ANKS1B: variants seen among roughly 807,000 people sequenced by gnomAD.
ANKS1B encodes ankyrin repeat and sterile alpha motif domain-containing protein 1B.
In ANKS1B, 36 loss-of-function variants were observed where a neutral mutation model predicts 148.3. The observed-to-expected ratio is 0.24, with a 90% confidence interval of 0.19 to 0.32. The LOEUF (loss-of-function observed/expected upper bound fraction) is 0.32. ANKS1B is among the 10% of genes least tolerant of loss of function. The pLI is 1.00. For missense variants in ANKS1B, 1,157 were observed against 1,542.6 expected, an observed-to-expected ratio of 0.75 and a Z score of 4.19; for synonymous variants, 542 against 560.8, an observed-to-expected ratio of 0.97 and a Z score of 0.47.
At chr12:99,368,811 T>C (rs2092928648) in intron 12 of ANKS1B, among the ~76,000 whole-genome samples, 4 of 152,094 alleles carry the variant, frequency 2.6e-5, no homozygotes, top group Admixed American at 2.6e-4. Flanking sequence ...AATTTGACAA[T>C]TAAAAAAATA....
intron 14 of ANKS1B, among the ~76,000 whole-genome samples, chr12:99,187,363 A>G (rs1378573803): frequency 6.6e-6 from 1 of 152,124 alleles, no homozygotes; most frequent in African/African-American, 2.4e-5. Context: ...CCTTCATGAG[A>G]AGAACAACCC....
chr12:99,082,095 G>T (rs2049987554), intron 16 of ANKS1B, among the ~76,000 whole-genome samples: 1 of 152,022 alleles, frequency 6.6e-6, no homozygotes, highest in African/African-American at 2.4e-5. Flanking sequence ...GTATTACTTG[G>T]GTACCTACTA....
At chr12:99,589,760 A>G (rs972932707) in intron 9 of ANKS1B, among the ~76,000 whole-genome samples, 8 of 152,218 alleles carry the variant, frequency 5.3e-5, no homozygotes, top group Non-Finnish European at 1.2e-4. Context: ...GTATGGTACA[A>G]TAGGGCGACT....
intron 17 of ANKS1B, among the ~76,000 whole-genome samples, chr12:98,875,855 C>T (rs1349622896): frequency 1.3e-5 from 2 of 152,260 alleles, no homozygotes; most frequent in Non-Finnish European, 1.5e-5. Flanking sequence ...TCTAAAAGGA[C>T]TACAGTGATG....
At chr12:98,828,711 A>G (rs556438814) in intron 19 of ANKS1B, among the ~76,000 whole-genome samples, 1 of 152,224 alleles carries the variant, frequency 6.6e-6, no homozygotes, top group Non-Finnish European at 1.5e-5. Context: ...TCAAGGTGAC[A>G]ATATGAGAAA....
chr12:99,598,441 C>T (rs1033824206), intron 9 of ANKS1B, among the ~76,000 whole-genome samples: 32 of 151,964 alleles, frequency 2.1e-4, no homozygotes, highest in South Asian at 1.0e-3. Context: ...AGATAGATAC[C>T]GTTACTATCC....
At chr12:99,114,444 T>C (rs1250244503) in intron 15 of ANKS1B, among the ~76,000 whole-genome samples, 1 of 152,152 alleles carries the variant, frequency 6.6e-6, no homozygotes. Flanking sequence ...AAGTCTAATA[T>C]ACAGCATCTA....
intron 9 of ANKS1B, among the ~76,000 whole-genome samples, chr12:99,511,601 C>T (rs1032599662): frequency 6.6e-6 from 1 of 151,930 alleles, no homozygotes; most frequent in Non-Finnish European, 1.5e-5. Flanking sequence ...GCCCGAATAG[C>T]CAAGACAATC....
intron 9 of ANKS1B, among the ~76,000 whole-genome samples, chr12:99,637,046 C>T (rs546621657): frequency 8.5e-5 from 13 of 152,312 alleles, no homozygotes; most frequent in Middle Eastern, 3.4e-3. Context: ...TGGCTCACAC[C>T]TGTAATCCTT....
chr12:99,354,222 T>C (rs1040487210), intron 12 of ANKS1B, among the ~76,000 whole-genome samples: 2 of 152,092 alleles, frequency 1.3e-5, no homozygotes, highest in East Asian at 1.9e-4. Flanking sequence ...CCAATGACCC[T>C]TTTTCTGTTC....
At chr12:99,510,709 C>T (rs1477727193) in intron 9 of ANKS1B, among the ~76,000 whole-genome samples, 1 of 152,082 alleles carries the variant, frequency 6.6e-6, no homozygotes, top group South Asian at 2.1e-4. Context: ...AAAGCAGTGG[C>T]AGGGTTTGAG....
At chr12:98,821,483 A>ATCTG (rs981654514) in intron 19 of ANKS1B, among the ~76,000 whole-genome samples, 3 of 151,982 alleles carry the variant, frequency 2.0e-5, no homozygotes, top group South Asian at 2.1e-4. Flanking sequence ...TTGCTAATCA[A>ATCTG]TCTGTCTGTC....
At chr12:98,802,162 T>C (rs1196696747) in intron 20 of ANKS1B, among the ~76,000 whole-genome samples, 1 of 152,198 alleles carries the variant, frequency 6.6e-6, no homozygotes, top group African/African-American at 2.4e-5. Flanking sequence ...TGGCTATATA[T>C]AGAACTATGA....
intron 8 of ANKS1B, among the ~76,000 whole-genome samples, chr12:99,770,132 G>C (rs1351186820): frequency 6.6e-6 from 1 of 152,206 alleles, no homozygotes; most frequent in African/African-American, 2.4e-5. Context: ...CTGCCACTTG[G>C]CAGCTAAGTC....
intron 12 of ANKS1B, among the ~76,000 whole-genome samples, chr12:99,294,149 T>C (rs1212814775): frequency 6.6e-6 from 1 of 152,188 alleles, no homozygotes; most frequent in African/African-American, 2.4e-5. Context: ...AGAACCACCA[T>C]ATGTTCCAGC....
At chr12:98,904,404 C>T (rs2152798758) in intron 17 of ANKS1B, among the ~76,000 whole-genome samples, 1 of 152,288 alleles carries the variant, frequency 6.6e-6, no homozygotes, top group South Asian at 2.1e-4. Context: ...TCACTACTTC[C>T]AAGGACACAT....
At chr12:99,011,255 T>A (rs2099939233) in intron 17 of ANKS1B, among the ~76,000 whole-genome samples, 1 of 152,166 alleles carries the variant, frequency 6.6e-6, no homozygotes, top group Non-Finnish European at 1.5e-5. Flanking sequence ...TTGTGGTAAT[T>A]TGTTATACAG....
intron 12 of ANKS1B, among the ~76,000 whole-genome samples, chr12:99,300,908 T>C (rs1477370698): frequency 6.6e-6 from 1 of 152,132 alleles, no homozygotes; most frequent in Non-Finnish European, 1.5e-5. Flanking sequence ...TATAGAGATA[T>C]AAAAGAGGAT....
At chr12:99,760,274 T>C (rs2061960066) in intron 8 of ANKS1B, among the ~76,000 whole-genome samples, 2 of 151,860 alleles carry the variant, frequency 1.3e-5, no homozygotes, top group Non-Finnish European at 2.9e-5. Context: ...CAAAGATTGA[T>C]GACATGCTCA....
Sources: allele counts gnomAD v4.1 joint callset (sites outside exome capture counted in the v4.1 genomes callset), GRCh38; gene constraint gnomAD v4.1.1; transcripts MANE v1.5; gene names NCBI Gene and HGNC (gene_info 2026-07-23, HGNC 2026-07-21).